FAM227B: variants seen among roughly 807,000 people sequenced by gnomAD.
The protein encoded by FAM227B is protein FAM227B.
A neutral mutation model predicts 73.8 loss-of-function variants in FAM227B; 88 were observed. The ratio of observed to expected loss-of-function variants is 1.19; its 90% CI spans 1.00 to 1.42. FAM227B has a LOEUF of 1.42. FAM227B is among the 40% of genes most tolerant of loss of function. The pLI, the probability that FAM227B is intolerant of heterozygous loss-of-function variation, is 0.00. For missense variants in FAM227B, 632 were observed against 590.9 expected, an observed-to-expected ratio of 1.07 and a Z score of -0.72; for synonymous variants, 210 against 190.5, an observed-to-expected ratio of 1.10 and a Z score of -0.84.
intron 10 of FAM227B, among the ~76,000 whole-genome samples, chr15:49,516,311 C>T (rs911244176): frequency 5.9e-5 from 9 of 152,072 alleles, no homozygotes; most frequent in African/African-American, 1.9e-4. Flanking sequence ...TTTATCCGCA[C>T]ACTAACCTAT....
At chr15:49,478,360 T>C (rs1319846399) in intron 11 of FAM227B, among the ~76,000 whole-genome samples, 1 of 152,068 alleles carries the variant, frequency 6.6e-6, no homozygotes, top group Non-Finnish European at 1.5e-5. Flanking sequence ...TGTTGTGTTT[T>C]CAGTGTTTTT....
chr15:49,408,588 AT>A (rs2048672193), intron 11 of FAM227B, among the ~76,000 whole-genome samples: 1 of 151,956 alleles, frequency 6.6e-6, no homozygotes, highest in Admixed American at 6.6e-5. Context: ...ACATTTCTCT[AT>A]TTTCTGCCTC....
chr15:49,536,879 A>G (rs947122905), intron 10 of FAM227B, among the ~76,000 whole-genome samples: 4 of 152,004 alleles, frequency 2.6e-5, no homozygotes, highest in African/African-American at 4.8e-5. Context: ...AAAGGATGAA[A>G]TGGACCCTTA....
intron 13 of FAM227B, among the ~76,000 whole-genome samples, chr15:49,348,851 G>T (rs2041883816): frequency 4.6e-5 from 7 of 152,152 alleles, no homozygotes. Context: ...ATTTGAAAAT[G>T]AAGTTTTCTT....
In FAM227B at chr15:49,593,889, A is replaced by G. The variant is rs946397186; in HGVS notation, c.106-3882T>C. 1.3e-5 allele frequency among the ~76,000 whole-genome samples: 2 copies of G among 152,212 alleles called. 1 individual carries two copies. The highest frequency in any genetic ancestry group is 4.1e-4 in the South Asian group (2 of 4,832). On this transcript the variant is annotated intron_variant, in intron 3 of 15. Coordinates refer to ENST00000299338, the MANE Select transcript of FAM227B (RefSeq NM_152647.3). ...AAATGCAAATTGTGCAGCTATAAAC[A>G]TGCGAGTGCAAGTGTCTTTTTTATA...
At chr15:49,422,847 G>A in intron 11 of FAM227B, 2 of 678,990 alleles carry the variant, frequency 2.9e-6, no homozygotes, top group South Asian at 4.3e-5. Flanking sequence ...TACCAGTTTT[G>A]TTCTAACATT....
Position 49,331,450 on chromosome 15 carries a change from A to G in FAM227B, c.1419+330T>C, listed in dbSNP as rs373834806. ...CATCTAACACAGCTGTTGGTACCCA[A>G]TATGATTTTGTTGAATTATTAATGA... On this transcript the variant is annotated intron_variant, in intron 15 of 15. Transcript: ENST00000299338. 3.1e-4 allele frequency: 79 copies of G among 251,666 alleles called. 2 individuals carry two copies. The East Asian group carries it at 4.5e-3, about 14-fold the overall frequency. 15.6% of individuals were successfully genotyped at this position (251,666 alleles called of 1,614,324 possible). A position where few individuals can be genotyped will look rare whatever the true frequency, so the allele number is the denominator to read the frequency against.
At chr15:49,487,181 A>T (rs2152036814) in intron 11 of FAM227B, 1 of 151,974 alleles carries the variant, frequency 6.6e-6, no homozygotes, top group East Asian at 1.9e-4. Flanking sequence ...GGAGAAAAGA[A>T]ATTATGTAGT....
chr15:49,541,451 T>C (rs2071051939), intron 10 of FAM227B, among the ~76,000 whole-genome samples: 1 of 152,098 alleles, frequency 6.6e-6, no homozygotes, highest in Admixed American at 6.5e-5. Context: ...CCATAATAAT[T>C]CCATTGATTA....
In FAM227B at chr15:49,617,728, A is replaced by T. The variant is rs147014163; in HGVS notation, c.-72-2485T>A. Among the ~76,000 whole-genome samples the T allele has an allele frequency of 2.6e-5, 4 of 152,196 alleles. No individual in the cohort carries two copies. The East Asian group carries it at 7.7e-4, about 29-fold the overall frequency. ...AAAGTTTATTATTTCACAGGTCTAG[A>T]GGTCGGGAATCTGAAATGGGTCTGC... is the stretch of plus-strand genomic sequence containing the variant. On this transcript the variant is annotated intron_variant, in intron 1 of 15. Coordinates refer to ENST00000299338, the MANE Select transcript of FAM227B (RefSeq NM_152647.3).
At chr15:49,585,613 G>A (rs2076104861) in intron 5 of FAM227B, among the ~76,000 whole-genome samples, 1 of 151,902 alleles carries the variant, frequency 6.6e-6, no homozygotes, top group Non-Finnish European at 1.5e-5. Flanking sequence ...AACACTGCAT[G>A]TTCTCACTTA....
chr15:49,547,342 C>T (rs1359848444), intron 9 of FAM227B, among the ~76,000 whole-genome samples: 1 of 150,248 alleles, frequency 6.7e-6, no homozygotes, highest in Non-Finnish European at 1.5e-5. Context: ...ATTGTAAAGA[C>T]CATCAAGGCT....
chr15:49,357,642 C>T lies in FAM227B; in HGVS notation c.1271+9806G>A, dbSNP rs1395370799. Among the ~76,000 whole-genome samples the T allele has an allele frequency of 2.7e-5, 4 of 149,816 alleles. No homozygotes were observed. In the East Asian group the frequency reaches 7.8e-4, roughly 29 times the overall value. On this transcript the variant is annotated intron_variant, in intron 13 of 15. Coordinates refer to ENST00000299338, the MANE Select transcript of FAM227B (RefSeq NM_152647.3). The stretch of plus-strand genomic sequence containing the variant: ...GTCCAGGACCAGATGGATTCACAGC[C>T]GAATTCTACCAGAGGTACAAGGAGG...
At chr15:49,401,276 A>G (rs2048123813) in intron 11 of FAM227B, among the ~76,000 whole-genome samples, 1 of 152,284 alleles carries the variant, frequency 6.6e-6, no homozygotes, top group African/African-American at 2.4e-5. Context: ...GCCATCAGAG[A>G]AATGCAAATC....
chr15:49,615,294 A>C, intron 1 of FAM227B, 51 bp from the exon 2 acceptor site: 1 of 812,704 alleles, frequency 1.2e-6, no homozygotes. Context: ...CAGCCAAACA[A>C]TCCCTTTCCC....
At chr15:49,484,242 C>T in intron 11 of FAM227B, 2 of 1,149,646 alleles carry the variant, frequency 1.7e-6, no homozygotes, top group Non-Finnish European at 2.5e-6. Context: ...TACCTGCTTA[C>T]TCTTCGTTTA....
rs146011650 is a variant in FAM227B, at chr15:49,508,949, A to T, written c.875-601T>A. ...CAGTTCCCAAGAGTAGGGGGATGTC[A>T]TGCCACAGGGGGCCACATGGGCAAG... On this transcript the variant is annotated intron_variant, in intron 10 of 15. Transcript: ENST00000299338. 6.4e-3 allele frequency among the ~76,000 whole-genome samples: 978 copies of T among 152,326 alleles called. 4 individuals are homozygous for T. Among genetic ancestry groups the T allele is most frequent in the Non-Finnish European group, 9.5e-3 (645 of 68,018 alleles).
intron 10 of FAM227B, among the ~76,000 whole-genome samples, chr15:49,515,037 G>T (rs1036802181): frequency 1.1e-4 from 17 of 152,192 alleles, no homozygotes; most frequent in African/African-American, 4.1e-4. Flanking sequence ...GAAGATCTCA[G>T]CCATTACCTT....
intron 11 of FAM227B, among the ~76,000 whole-genome samples, chr15:49,410,215 T>C (rs1567227828): frequency 6.6e-6 from 1 of 152,186 alleles, no homozygotes; most frequent in Non-Finnish European, 1.5e-5. Context: ...TAACATGTGA[T>C]GGACTCAGAG....
Sources: gnomAD v4.1 joint callset for allele counts (sites outside exome capture counted in the v4.1 genomes callset) on GRCh38, gnomAD v4.1.1 for gene constraint, MANE v1.5 for transcripts, NCBI Gene and HGNC (gene_info 2026-07-23, HGNC 2026-07-21) for gene names.